Variants in ATP2B1 observed in about 807,000 individuals in gnomAD.
ATP2B1 encodes plasma membrane calcium-transporting ATPase 1.
In ATP2B1, 14 loss-of-function variants were observed where a neutral mutation model predicts 124.2. That is an observed-to-expected ratio of 0.11 (90% CI 0.07 to 0.18). The LOEUF (loss-of-function observed/expected upper bound fraction) is 0.18. ATP2B1 is among the 10% of genes least tolerant of loss of function. ATP2B1 has a pLI of 1.00. For synonymous variants in ATP2B1, 449 were observed against 492.4 expected, an observed-to-expected ratio of 0.91 and a Z score of 1.17; for missense variants, 763 against 1,466.1, an observed-to-expected ratio of 0.52 and a Z score of 7.83.
At chr12:89,633,027 T>TA (rs1882119823) in intron 5 of ATP2B1, among the ~76,000 whole-genome samples, 1 of 152,172 alleles carries the variant, frequency 6.6e-6, no homozygotes, top group South Asian at 2.1e-4. Context: ...GAGACTATCT[T>TA]AGTTTGTTAC....
chr12:89,620,355 T>C, intron 10 of ATP2B1, 115 bp from the exon 11 acceptor site: 21 of 1,279,872 alleles, frequency 1.6e-5, no homozygotes, highest in Non-Finnish European at 2.2e-5. Context: ...TTGTCTAATA[T>C]CAACATTTTA....
At chr12:89,634,351 A>G (rs1882358323) in intron 5 of ATP2B1, among the ~76,000 whole-genome samples, 1 of 152,200 alleles carries the variant, frequency 6.6e-6, no homozygotes, top group African/African-American at 2.4e-5. Flanking sequence ...TCTTAAGAAA[A>G]AACAACCTGT....
chr12:89,671,816 T>G (rs1425115794), intron 1 of ATP2B1, among the ~76,000 whole-genome samples: 8 of 151,858 alleles, frequency 5.3e-5, no homozygotes, highest in Non-Finnish European at 8.8e-5. Context: ...ATTCTGATTT[T>G]TATATCAAGC....
Position 89,603,976 on chromosome 12 carries a change from G to A in ATP2B1, c.2635-51C>T. ...ACATTCACAACTACTCAGGGGCTCA[G>A]CAATTCTCAGGAAACCTTTAGGGTT... On this transcript the variant is annotated intron_variant, in intron 16 of 20. Coordinates refer to ENST00000428670, the MANE Select transcript of ATP2B1 (RefSeq NM_001366521.1). The surrounding 1 kb of genome is among the most constrained non-coding windows in gnomAD (Gnocchi z 4.3). 6.4e-7 allele frequency: 1 copy of A among 1,562,930 alleles called. No homozygotes were observed. The highest frequency in any genetic ancestry group is 8.7e-7 in the Non-Finnish European group (1 of 1,146,700).
At chr12:89,651,201 CAT>C (rs1409379160) in intron 2 of ATP2B1, among the ~76,000 whole-genome samples, 1 of 152,220 alleles carries the variant, frequency 6.6e-6, no homozygotes, top group African/African-American at 2.4e-5. Context: ...TTCTTCAAAA[CAT>C]ATTGTTAGAA....
chr12:89,615,558 T>C (rs1878809910), intron 12 of ATP2B1, among the ~76,000 whole-genome samples: 1 of 152,246 alleles, frequency 6.6e-6, no homozygotes, highest in Admixed American at 6.5e-5. Flanking sequence ...ACATTAGGTT[T>C]TGAATCAATT....
intron 20 of ATP2B1, among the ~76,000 whole-genome samples, chr12:89,593,154 T>C (rs1358139865): frequency 6.6e-6 from 1 of 152,068 alleles, no homozygotes; most frequent in Non-Finnish European, 1.5e-5. Context: ...GTTTGCTAAA[T>C]ATAACGTTAT....
At position 89,612,917 on chromosome 12, in the gene ATP2B1, C is replaced by T. The variant is rs148719178; in HGVS notation, c.2068-1545G>A. 1.9e-3 allele frequency among the ~76,000 whole-genome samples: 294 copies of T among 152,248 alleles called. 1 individual carries two copies. Among genetic ancestry groups the T allele is most frequent in the African/African-American group, 6.8e-3 (284 of 41,556 alleles). ...TAACTGGAGCTAAGTATTTACTGAA[C>T]TGCTGAATTAAATATCTTTGGGATA... On this transcript the variant is annotated intron_variant, in intron 12 of 20. Transcript: ENST00000428670.
rs745799308 is a variant in ATP2B1 at position 89,655,797 on chromosome 12, C to A, written c.90G>T (p.Thr30=). The A allele has an allele frequency of 2.5e-6, 4 of 1,613,994 alleles. No homozygotes were observed. In the African/African-American group the frequency reaches 4.0e-5, roughly 16 times the overall value. ...CCATGAGAGCCCGCAGCTCTGCGAG[C>A]GTAATTCCAAAGTCTCCATCATGAT... The part of the protein sequence containing the change: ...EANHDGDFGI[T]LAELRALMEL... The change falls in exon 2 of 21, where the codon ACG becomes ACT. Residue 30 remains threonine, a synonymous_variant. Transcript: ENST00000428670.
chr12:89,624,088 C>A, intron 9 of ATP2B1, 95 bp downstream of exon 9: 1 of 1,122,602 alleles, frequency 8.9e-7, no homozygotes, highest in Non-Finnish European at 1.3e-6. Flanking sequence ...AAAGTCCTCA[C>A]TTTCAGAAGC....
chr12:89,645,759 A>T (rs189801954), intron 2 of ATP2B1, among the ~76,000 whole-genome samples: 65 of 152,370 alleles, frequency 4.3e-4, no homozygotes, highest in African/African-American at 1.5e-3. Context: ...AAAAGTGGCC[A>T]AAGGTAAGAA....
At chr12:89,706,371 C>T (rs1892457041) in intron 1 of ATP2B1, among the ~76,000 whole-genome samples, 1 of 149,858 alleles carries the variant, frequency 6.7e-6, no homozygotes, top group Admixed American at 6.6e-5. Context: ...GTTAATAGGC[C>T]TACAGCTAAA....
At chr12:89,706,952 A>C (rs1361756554) in intron 1 of ATP2B1, among the ~76,000 whole-genome samples, 1 of 152,200 alleles carries the variant, frequency 6.6e-6, no homozygotes, top group African/African-American at 2.4e-5. Flanking sequence ...GGTAAAAACT[A>C]AAACGTCCTC....
At chr12:89,696,563 G>A (rs1222046381) in intron 1 of ATP2B1, among the ~76,000 whole-genome samples, 1 of 152,102 alleles carries the variant, frequency 6.6e-6, no homozygotes, top group Non-Finnish European at 1.5e-5. Flanking sequence ...GATGTTAATA[G>A]GTAAGTTTTT....
chr12:89,598,833 G>C (rs1433279912), intron 20 of ATP2B1: 4 of 1,495,288 alleles, frequency 2.7e-6, no homozygotes, highest in African/African-American at 1.4e-5. Context: ...CATATAAAAA[G>C]AAAAAGGCAC....
Position 89,642,097 on chromosome 12 carries a change from T to G in ATP2B1, c.406+61A>C, listed in dbSNP as rs980602429. The G allele has an allele frequency of 7.4e-6, 11 of 1,479,068 alleles. No individual in the cohort carries two copies. In the Admixed American group the frequency reaches 1.9e-4, roughly 26 times the overall value. 91.6% of individuals were successfully genotyped at this position (1,479,068 alleles called of 1,614,324 possible). A position where few individuals can be genotyped will look rare whatever the true frequency, so the allele number is the denominator to read the frequency against. On this transcript the variant is annotated intron_variant, in intron 3 of 20. Coordinates refer to ENST00000428670, the MANE Select transcript of ATP2B1 (RefSeq NM_001366521.1). ...GCTGGCCAGCTATTATTATTGTGCA[T>G]TAACTAAATGAATTAGCTGAACTAG...
intron 15 of ATP2B1, among the ~76,000 whole-genome samples, chr12:89,608,313 C>T (rs975585901): frequency 6.6e-6 from 1 of 151,728 alleles, no homozygotes; most frequent in African/African-American, 2.4e-5. Flanking sequence ...GGATTACAGG[C>T]GCGACCACCA....
intron 1 of ATP2B1, among the ~76,000 whole-genome samples, chr12:89,683,413 C>G (rs915626881): frequency 6.6e-6 from 1 of 152,202 alleles, no homozygotes; most frequent in Non-Finnish European, 1.5e-5. Flanking sequence ...AATGCCCACT[C>G]TTCGGATATG....
intron 20 of ATP2B1, among the ~76,000 whole-genome samples, chr12:89,592,475 T>C (rs566859761): frequency 6.6e-6 from 1 of 152,074 alleles, no homozygotes; most frequent in Non-Finnish European, 1.5e-5. Context: ...AAATGTAATG[T>C]AGAGTTTAGG....
Sources: gnomAD v4.1 joint callset for allele counts (sites outside exome capture counted in the v4.1 genomes callset) on GRCh38, gnomAD v4.1.1 for gene constraint, Gnocchi (gnomAD v3.1) non-coding constraint, MANE v1.5 for transcripts, NCBI Gene and HGNC (gene_info 2026-07-23, HGNC 2026-07-21) for gene names.